Variants in HDAC9 observed in about 807,000 individuals in gnomAD.
The protein encoded by HDAC9 is MEF-2 interacting transcription repressor (MITR) protein.
HDAC9 carries 41 observed loss-of-function variants against 139.4 expected under a neutral mutation model. The ratio of observed to expected loss-of-function variants is 0.29; its 90% CI spans 0.23 to 0.38. The LOEUF (loss-of-function observed/expected upper bound fraction) is 0.38. Among genes scored for constraint, HDAC9 ranks in the 10% least tolerant of loss-of-function variants. The pLI is 1.00. For synonymous variants in HDAC9, 517 were observed against 476.2 expected, an observed-to-expected ratio of 1.09 and a Z score of -1.12; for missense variants, 1,147 against 1,297.0, an observed-to-expected ratio of 0.88 and a Z score of 1.78.
At chr7:18,249,396 G>A (rs868681101) in intron 2 of HDAC9, among the ~76,000 whole-genome samples, 4 of 150,684 alleles carry the variant, frequency 2.7e-5, no homozygotes, top group Non-Finnish European at 5.9e-5. Context: ...CCAGCTAGTC[G>A]GGAGGCTGAG....
At chr7:18,098,710 C>G (rs1224344879) in intron 1 of HDAC9, among the ~76,000 whole-genome samples, 1 of 152,080 alleles carries the variant, frequency 6.6e-6, no homozygotes, top group African/African-American at 2.4e-5. Context: ...AAAGATGCAT[C>G]TCCTCTTTAT....
At chr7:18,111,444 C>T (rs1783613690) in intron 1 of HDAC9, among the ~76,000 whole-genome samples, 1 of 152,122 alleles carries the variant, frequency 6.6e-6, no homozygotes, top group African/African-American at 2.4e-5. Context: ...AAAAGAGTGG[C>T]AGAGTATCAC....
chr7:18,310,470 G>A (rs928553598), intron 1 of HDAC9, among the ~76,000 whole-genome samples: 1 of 152,170 alleles, frequency 6.6e-6, no homozygotes, highest in African/African-American at 2.4e-5. Context: ...ACAGCCTCAT[G>A]TTAACCAGTC....
In HDAC9 at chr7:18,732,686, TACAC is replaced by T. The variant is rs200510183; in HGVS notation, c.1909+4938_1909+4941del. On this transcript the variant is annotated intron_variant, in intron 13 of 25. Coordinates refer to ENST00000686413, the MANE Select transcript of HDAC9 (RefSeq NM_178425.4). ...ACACGTGTATATGTGTGCGTATGTG[TACAC>T]ACACACACGTGTATGTGTGCGTATG... Among the ~76,000 whole-genome samples the T allele has an allele frequency of 1.3e-4, 15 of 114,858 alleles. 2 individuals are homozygous for T. The highest frequency in any genetic ancestry group is 3.4e-4 in the African/African-American group (8 of 23,332). The allele number at this position is 114,858 out of a possible 152,430, so 75.4% of individuals were successfully genotyped here. A position where few individuals can be genotyped will look rare whatever the true frequency, so the allele number is the denominator to read the frequency against.
At chr7:18,705,169 C>A (rs760209026) in intron 12 of HDAC9, among the ~76,000 whole-genome samples, 33 of 152,190 alleles carry the variant, frequency 2.2e-4, no homozygotes, top group Non-Finnish European at 4.3e-4. Context: ...CATCTATCAA[C>A]AGGTTAGAGT....
chr7:18,948,957 A>G, intron 23 of HDAC9: 1 of 374,672 alleles, frequency 2.7e-6, no homozygotes, highest in Non-Finnish European at 5.1e-6. Flanking sequence ...GTCATTAGGA[A>G]GCAGTTCTTC....
intron 2 of HDAC9, among the ~76,000 whole-genome samples, chr7:18,270,564 A>G (rs1796290114): frequency 6.6e-6 from 1 of 152,146 alleles, no homozygotes; most frequent in Admixed American, 6.6e-5. Flanking sequence ...CAAAAGTTTA[A>G]ACGTTATTTT....
In HDAC9 at chr7:18,935,684, T is replaced by C. The variant is rs1019058166; in HGVS notation, c.2804-125T>C. ...TAATCCATAAAGTTATTTTAAGTAT[T>C]GGATGAGTTAGCACACAGAAAATGC... is the stretch of plus-strand genomic sequence containing the variant. On this transcript the variant is annotated intron_variant, in intron 22 of 25. Transcript: ENST00000686413. 2.5e-5 allele frequency: 20 copies of C among 790,568 alleles called. No individual in the cohort carries two copies. In the African/African-American group the frequency reaches 3.1e-4, roughly 12 times the overall value. 49.0% of individuals were successfully genotyped at this position (790,568 alleles called of 1,614,324 possible).
chr7:18,212,812 C>G (rs912491267), intron 2 of HDAC9, among the ~76,000 whole-genome samples: 1 of 152,154 alleles, frequency 6.6e-6, no homozygotes, highest in Non-Finnish European at 1.5e-5. Flanking sequence ...TCACATAAAC[C>G]TTTTCCTAAT....
chr7:18,657,749 A>C lies in HDAC9; in HGVS notation c.1468-8464A>C, dbSNP rs187186059. On this transcript the variant is annotated intron_variant, in intron 11 of 25. Coordinates refer to ENST00000686413, the MANE Select transcript of HDAC9 (RefSeq NM_178425.4). ...TTTTGCTCCCTAAATCCAGTCTTCC[A>C]TAGCAGCCAGAATGATCATTTCAAA... Among the ~76,000 whole-genome samples the C allele has an allele frequency of 7.4e-4, 113 of 152,276 alleles. 1 individual carries two copies. Among genetic ancestry groups the C allele is most frequent in the Admixed American group, 3.9e-3 (60 of 15,282 alleles).
At chr7:18,745,603 G>A (rs1787877826) in intron 13 of HDAC9, among the ~76,000 whole-genome samples, 1 of 139,538 alleles carries the variant, frequency 7.2e-6, no homozygotes, top group Non-Finnish European at 1.5e-5. Context: ...GCGGACTGCA[G>A]TGGCGCAATC....
chr7:18,891,515 G>C (rs1326590840), intron 22 of HDAC9, among the ~76,000 whole-genome samples: 1 of 152,164 alleles, frequency 6.6e-6, no homozygotes, highest in Non-Finnish European at 1.5e-5. Flanking sequence ...AACCACTGCA[G>C]GCACTTGAAC....
chr7:18,830,424 G>C (rs1453688729), intron 19 of HDAC9, among the ~76,000 whole-genome samples: 1 of 152,122 alleles, frequency 6.6e-6, no homozygotes, highest in Admixed American at 6.5e-5. Flanking sequence ...GGTGATAAAA[G>C]ATTTAAAGGC....
At chr7:18,465,450 G>A (rs1376719913) in intron 1 of HDAC9, among the ~76,000 whole-genome samples, 6 of 152,072 alleles carry the variant, frequency 3.9e-5, no homozygotes, top group Non-Finnish European at 7.4e-5. Context: ...AAATACATTA[G>A]AGAGTCTGAT....
chr7:18,152,264 A>C (rs1408879675), intron 1 of HDAC9, among the ~76,000 whole-genome samples: 1 of 152,172 alleles, frequency 6.6e-6, no homozygotes, highest in Non-Finnish European at 1.5e-5. Flanking sequence ...GTGACCCTGC[A>C]AGTAACTATT....
At chr7:18,822,318 C>T (rs1795040242) in intron 17 of HDAC9, among the ~76,000 whole-genome samples, 1 of 151,076 alleles carries the variant, frequency 6.6e-6, no homozygotes, top group Non-Finnish European at 1.5e-5. Context: ...TCAGAGAGTC[C>T]AAGGGTTTGG....
chr7:18,160,682 T>C (rs1444602601), intron 1 of HDAC9, among the ~76,000 whole-genome samples: 1 of 152,128 alleles, frequency 6.6e-6, no homozygotes, highest in Non-Finnish European at 1.5e-5. Flanking sequence ...AGTGGCACTA[T>C]CTTGGCCCAC....
At chr7:18,763,530 C>T (rs1789570035) in intron 15 of HDAC9, among the ~76,000 whole-genome samples, 1 of 152,082 alleles carries the variant, frequency 6.6e-6, no homozygotes, top group South Asian at 2.1e-4. Context: ...ACAAATAAAT[C>T]AATCTAAACA....
intron 24 of HDAC9, among the ~76,000 whole-genome samples, chr7:18,966,380 C>T (rs749056204): frequency 2.0e-5 from 3 of 152,140 alleles, no homozygotes; most frequent in East Asian, 1.9e-4. Flanking sequence ...TAGCTTGTGA[C>T]GTGCATGAAG....
Sources: allele counts gnomAD v4.1 joint callset (sites outside exome capture counted in the v4.1 genomes callset), GRCh38; gene constraint gnomAD v4.1.1; transcripts MANE v1.5; gene names NCBI Gene and HGNC (gene_info 2026-07-23, HGNC 2026-07-21).